ATP6V0A2: variants seen among roughly 807,000 people sequenced by gnomAD.
ATP6V0A2 encodes the protein ATPase H+ transporting V0 subunit a2.
ATP6V0A2 carries 58 observed loss-of-function variants against 104.4 expected under a neutral mutation model. The ratio of observed to expected loss-of-function variants is 0.56; its 90% CI spans 0.45 to 0.69. ATP6V0A2 has a LOEUF of 0.69. Ranked by LOEUF, ATP6V0A2 falls within the 30% of genes least tolerant of loss-of-function variation. ATP6V0A2 has a pLI of 0.00. For synonymous variants in ATP6V0A2, 376 were observed against 397.9 expected, an observed-to-expected ratio of 0.95 and a Z score of 0.65; for missense variants, 938 against 1,062.9, an observed-to-expected ratio of 0.88 and a Z score of 1.63.
intron 2 of ATP6V0A2, among the ~76,000 whole-genome samples, chr12:123,719,695 C>T (rs768027022): frequency 6.6e-6 from 1 of 152,026 alleles, no homozygotes; most frequent in East Asian, 1.9e-4. Context: ...CCTACCCCTC[C>T]CCCTGAGCCC....
chr12:123,728,268 A>C (rs1345701024), intron 6 of ATP6V0A2, among the ~76,000 whole-genome samples: 1 of 151,816 alleles, frequency 6.6e-6, no homozygotes, highest in African/African-American at 2.4e-5. Context: ...TTTTTTTCTT[A>C]AGGAGATGGG....
chr12:123,741,669 A>G (rs896762529), intron 9 of ATP6V0A2, among the ~76,000 whole-genome samples: 5 of 152,040 alleles, frequency 3.3e-5, no homozygotes, highest in African/African-American at 1.2e-4. Flanking sequence ...TCTACAAAAG[A>G]CGGTGTCTGG....
intron 13 of ATP6V0A2, among the ~76,000 whole-genome samples, chr12:123,745,660 G>A (rs1400391373): frequency 6.6e-6 from 1 of 151,414 alleles, no homozygotes; most frequent in Non-Finnish European, 1.5e-5. Context: ...GAGCCGAGAT[G>A]GTGCCATTGC....
At position 123,734,003 on chromosome 12, in the gene ATP6V0A2, T is replaced by A; in HGVS notation, c.726T>A (p.Cys242Ter). The A allele has an allele frequency of 6.2e-7, 1 of 1,611,196 alleles. No individual in the cohort carries two copies. The highest frequency in any genetic ancestry group is 8.5e-7 in the Non-Finnish European group (1 of 1,177,586). The change falls in exon 7 of 20, where the codon TGT becomes TGA. Residue 242 changes from cysteine to a stop codon, truncating the protein, a stop_gained. Coordinates refer to ENST00000330342, the MANE Select transcript of ATP6V0A2 (RefSeq NM_012463.4). LOFTEE classifies it high-confidence loss of function. The stretch of plus-strand genomic sequence containing the variant: ...TTGGCCACAAGGTTAAGAAGATATG[T>A]GATTGGTAAGAAAAAGAAACATTTC... ...EQIGHKVKKI[C>*]DCYHCHVYPY...
At position 123,752,931 on chromosome 12, in the gene ATP6V0A2, C is replaced by G. The variant is rs542951468; in HGVS notation, c.2175+529C>G. Among the ~76,000 whole-genome samples the G allele has an allele frequency of 6.6e-5, 10 of 152,260 alleles. No homozygotes were observed. The South Asian group carries it at 2.1e-3, about 32-fold the overall frequency. ...ATGCTAGAACCATGGTCACAAGTTG[C>G]CCTGGGCTTATTTTTTCAGTCTTTC... On this transcript the variant is annotated intron_variant, in intron 17 of 19. Coordinates refer to ENST00000330342, the MANE Select transcript of ATP6V0A2 (RefSeq NM_012463.4).
chr12:123,733,994 G>A lies in ATP6V0A2; in HGVS notation c.717G>A (p.Lys239=), dbSNP rs1430085034. 1 of 1,612,342 alleles carries A rather than the reference G, an allele frequency of 6.2e-7. No homozygotes were observed. Among genetic ancestry groups the A allele is most frequent in the Non-Finnish European group, 8.5e-7 (1 of 1,178,652 alleles). Residue 239 remains lysine, a synonymous_variant, in exon 7 of 20, where the codon AAG becomes AAA. Coordinates refer to ENST00000330342, the MANE Select transcript of ATP6V0A2 (RefSeq NM_012463.4). ...FWGEQIGHKV[K]KICDCYHCHV... is the part of the protein sequence containing the mutation. ...GAGAGCAGATTGGCCACAAGGTTAA[G>A]AAGATATGTGATTGGTAAGAAAAAG...
rs764604721 is a variant in ATP6V0A2 at position 123,744,305 on chromosome 12, GA to G, written c.1298del (p.Asn433IlefsTer5). ...FLFALLLVLN[E>X]NHPRLNQSQE... ...ATTTGCCCTCTTGTTGGTGTTAAAT[GA>G]AAATCATCCCAGACTAAATCAGTCA... On this transcript the variant is annotated frameshift_variant, in exon 11 of 20. Transcript: ENST00000330342. LOFTEE classifies it high-confidence loss of function. This position sits in a 1 kb window ranked among gnomAD's most constrained non-coding sequence, Gnocchi z 5.4. 7 of 1,614,160 alleles carry G rather than the reference GA, an allele frequency of 4.3e-6. No homozygotes were observed. The highest frequency in any genetic ancestry group is 5.1e-6 in the Non-Finnish European group (6 of 1,180,032).
Position 123,732,995 on chromosome 12 carries a change from T to C in ATP6V0A2, c.649-931T>C, listed in dbSNP as rs1031450601. On this transcript the variant is annotated intron_variant, in intron 6 of 19. Transcript: ENST00000330342. ...ACTTGTAAATACAGGGTGATTCTTA[T>C]TATTTACAGTAGTTATGCTTCATAA... is the stretch of plus-strand genomic sequence containing the variant. 11 of 152,156 alleles carry C rather than the reference T, an allele frequency of 7.2e-5. No individual in the cohort carries two copies. In the East Asian group the frequency reaches 2.1e-3, roughly 29 times the overall value. The allele number at this position is 152,156 out of a possible 1,614,324, so 9.4% of individuals were successfully genotyped here.
chr12:123,750,925 C>G, intron 15 of ATP6V0A2, 185 bp from the exon 16 acceptor site: 1 of 684,414 alleles, frequency 1.5e-6, no homozygotes, highest in East Asian at 2.7e-5. Context: ...TGTTATTCAT[C>G]AGTTCTAGAA....
chr12:123,747,736 A>G lies in ATP6V0A2; in HGVS notation c.1724+11A>G. ...AATATTTAACCACTTGTAAGTACAGATTTTTTTTTAAGCAATATTTATAAA... is the reference window on the plus strand; with the variant it reads ...AATATTTAACCACTTGTAAGTACAGGTTTTTTTTTAAGCAATATTTATAAA... On this transcript the variant is annotated intron_variant, in intron 14 of 19. Coordinates refer to ENST00000330342, the MANE Select transcript of ATP6V0A2 (RefSeq NM_012463.4). 6.6e-7 allele frequency: 1 copy of G among 1,523,336 alleles called. No individual in the cohort carries two copies. The highest frequency in any genetic ancestry group is 9.1e-7 in the Non-Finnish European group (1 of 1,099,448). The allele number at this position is 1,523,336 out of a possible 1,614,324, so 94.4% of individuals were successfully genotyped here. A position where few individuals can be genotyped will look rare whatever the true frequency, so the allele number is the denominator to read the frequency against.
At chr12:123,728,616 T>C (rs1422726737) in intron 6 of ATP6V0A2, among the ~76,000 whole-genome samples, 1 of 152,206 alleles carries the variant, frequency 6.6e-6, no homozygotes, top group Non-Finnish European at 1.5e-5. Context: ...CATTTTAAAA[T>C]ACTGCAAGTT....
intron 9 of ATP6V0A2, among the ~76,000 whole-genome samples, chr12:123,738,186 C>T (rs920248166): frequency 2.6e-5 from 4 of 152,144 alleles, no homozygotes; most frequent in Non-Finnish European, 4.4e-5. Flanking sequence ...GGGTGGATCA[C>T]GAGGTCAGGA....
In ATP6V0A2 at chr12:123,744,285, C is replaced by G; in HGVS notation, c.1274C>G (p.Ala425Gly). The G allele has an allele frequency of 6.2e-7, 1 of 1,614,108 alleles. No individual in the cohort carries two copies. The highest frequency in any genetic ancestry group is 8.5e-7 in the Non-Finnish European group (1 of 1,180,026). The change falls in exon 11 of 20, where the codon GCC (alanine) becomes GGC (glycine). Residue 425 changes from alanine to glycine, a missense_variant. Ala to Gly is a moderately conservative substitution (Grantham distance 60). Coordinates refer to ENST00000330342, the MANE Select transcript of ATP6V0A2 (RefSeq NM_012463.4). This position sits in a 1 kb window ranked among gnomAD's most constrained non-coding sequence, Gnocchi z 5.4. ...CATGGCTTTGTGATGTTTTTATTTG[C>G]CCTCTTGTTGGTGTTAAATGAAAAT... ...FGHGFVMFLFALLLVLNENHP... is the reference protein window; with the variant it reads ...FGHGFVMFLFGLLLVLNENHP...
At chr12:123,731,780 T>G (rs917470562) in intron 6 of ATP6V0A2, 1 of 152,246 alleles carries the variant, frequency 6.6e-6, no homozygotes, top group African/African-American at 2.4e-5. Context: ...TATTCATTCA[T>G]TGTATTCATT....
chr12:123,758,674 C>A lies in ATP6V0A2; in HGVS notation c.*642C>A, dbSNP rs1338180069. ...TAACTGGGATTACAGGCATGCGCCACCGTGACCAGCTAATTTTTTTGTATT... is the reference window on the plus strand; with the variant it reads ...TAACTGGGATTACAGGCATGCGCCAACGTGACCAGCTAATTTTTTTGTATT... On this transcript the variant is annotated 3_prime_UTR_variant, in exon 20 of 20. Transcript: ENST00000330342. 1 of 152,176 alleles carries A rather than the reference C, an allele frequency of 6.6e-6. No homozygotes were observed. Among genetic ancestry groups the A allele is most frequent in the East Asian group, 1.9e-4 (1 of 5,198 alleles). 9.4% of individuals were successfully genotyped at this position (152,176 alleles called of 1,614,324 possible).
Position 123,759,169 on chromosome 12 carries a change from G to A in ATP6V0A2, c.*1137G>A, listed in dbSNP as rs1956789380. Reference sequence around the variant, plus strand: ...AAGGAAAGGTAAAAAGTAGTATTTTGTATATTTTTGTAACAAAATATAAAT... The same window carrying A: ...AAGGAAAGGTAAAAAGTAGTATTTTATATATTTTTGTAACAAAATATAAAT... On this transcript the variant is annotated 3_prime_UTR_variant, in exon 20 of 20. Transcript: ENST00000330342. 1 of 152,424 alleles carries A rather than the reference G, an allele frequency of 6.6e-6. No individual in the cohort carries two copies. The highest frequency in any genetic ancestry group is 2.1e-4 in the South Asian group (1 of 4,824). The allele number at this position is 152,424 out of a possible 1,614,324, so 9.4% of individuals were successfully genotyped here.
chr12:123,748,556 G>T lies in ATP6V0A2; in HGVS notation c.1725-19G>T, dbSNP rs754954383. On this transcript the variant is annotated intron_variant, in intron 14 of 19. Coordinates refer to ENST00000330342, the MANE Select transcript of ATP6V0A2 (RefSeq NM_012463.4). ...GGCTGATCTTGTTCGTGGGTTGATT[G>T]ATTCCTTTTCTTTCCTAGGCACTTC... The T allele has an allele frequency of 1.8e-5, 29 of 1,588,078 alleles. No homozygotes were observed. In the African/African-American group the frequency reaches 3.6e-4, roughly 20 times the overall value.
At chr12:123,728,530 C>T (rs1218607164) in intron 6 of ATP6V0A2, among the ~76,000 whole-genome samples, 1 of 139,840 alleles carries the variant, frequency 7.2e-6, no homozygotes, top group Non-Finnish European at 1.5e-5. Flanking sequence ...GCCACTGTGC[C>T]AGGCCTGTCC....
At chr12:123,739,222 C>G (rs1317779055) in intron 9 of ATP6V0A2, among the ~76,000 whole-genome samples, 1 of 152,224 alleles carries the variant, frequency 6.6e-6, no homozygotes, top group Non-Finnish European at 1.5e-5. Context: ...CATAGCTGTT[C>G]TTTGCTCCGC....
Sources: gnomAD v4.1 joint callset for allele counts (sites outside exome capture counted in the v4.1 genomes callset) on GRCh38, gnomAD v4.1.1 for gene constraint, Gnocchi (gnomAD v3.1) non-coding constraint, MANE v1.5 for transcripts, NCBI Gene and HGNC (gene_info 2026-07-23, HGNC 2026-07-21) for gene names.